ARAP2: variants seen among roughly 807,000 people sequenced by gnomAD.
ARAP2 encodes arf-GAP with Rho-GAP domain, ANK repeat and PH domain-containing protein 2.
In ARAP2, 148 loss-of-function variants were observed where a neutral mutation model predicts 194.5. The ratio of observed to expected loss-of-function variants is 0.76; its 90% CI spans 0.67 to 0.87. The LOEUF (loss-of-function observed/expected upper bound fraction) is 0.87. Among genes scored for constraint, ARAP2 ranks in the 40% least tolerant of loss-of-function variants. The pLI is 0.00. For missense variants in ARAP2, 2,128 were observed against 1,989.7 expected (o/e 1.07, Z -1.32); for synonymous variants, 695 against 683.5 (o/e 1.02, Z -0.26).
Position 36,066,940 on chromosome 4 carries a change from T to C in ARAP2, c.*967A>G, listed in dbSNP as rs1395862424. 1 of 152,158 alleles carries C rather than the reference T, an allele frequency of 6.6e-6. No individual in the cohort carries two copies. Among genetic ancestry groups the C allele is most frequent in the African/African-American group, 2.4e-5 (1 of 41,428 alleles). 9.4% of individuals were successfully genotyped at this position (152,158 alleles called of 1,614,324 possible). ...TCGGAGAAAAACATTACAACCTTAA[T>C]AATAATTTAAAAAAATCTAAAAATC... On this transcript the variant is annotated 3_prime_UTR_variant, in exon 33 of 33. Coordinates refer to ENST00000303965, the MANE Select transcript of ARAP2 (RefSeq NM_015230.4).
In ARAP2 at chr4:36,158,725, A is replaced by T; in HGVS notation, c.2752+5T>A. ...GATAATATCTAAAAAGAAGAGAAAA[A>T]ATACCTTCAAGCAGTTTTTTCTCTG... On this transcript the variant is annotated splice_donor_5th_base_variant and intron_variant, in intron 15 of 32. Transcript: ENST00000303965. 6.3e-7 allele frequency: 1 copy of T among 1,595,928 alleles called. No homozygotes were observed. The highest frequency in any genetic ancestry group is 8.5e-7 in the Non-Finnish European group (1 of 1,173,792).
rs1344725701 is a variant in ARAP2, at chr4:36,160,680, CATAAAA to C, written c.2260-45_2260-40del. Reference sequence around the variant, plus strand: ...AAAAAAACCCCATAATATATCAGTTCATAAAATATATTTGAATCTGCAGGAAACTGA... The same window carrying C: ...AAAAAAACCCCATAATATATCAGTTCTATATTTGAATCTGCAGGAAACTGA... On this transcript the variant is annotated intron_variant, in intron 12 of 32. Coordinates refer to ENST00000303965, the MANE Select transcript of ARAP2 (RefSeq NM_015230.4). 3.7e-6 allele frequency: 5 copies of C among 1,338,100 alleles called. No individual in the cohort carries two copies. In the South Asian group the frequency reaches 6.5e-5, roughly 17 times the overall value. The allele number at this position is 1,338,100 out of a possible 1,614,324, so 82.9% of individuals were successfully genotyped here.
chr4:36,040,126 T>G (rs763322894), intron 5 of ARAP2, among the ~76,000 whole-genome samples: 2 of 152,184 alleles, frequency 1.3e-5, no homozygotes, highest in Non-Finnish European at 2.9e-5. Flanking sequence ...AAATGGTCAT[T>G]TTTAGCATTT....
rs151211611 is a variant in ARAP2, at chr4:36,128,616, G to A, written c.3557C>T (p.Thr1186Met). The A allele has an allele frequency of 4.4e-5, 71 of 1,612,720 alleles. No homozygotes were observed. Among genetic ancestry groups the A allele is most frequent in the Non-Finnish European group, 5.4e-5 (64 of 1,179,440 alleles). ...RAGKHQLEDVTAVLKSFLSDI... is the reference protein window; with the variant it reads ...RAGKHQLEDVMAVLKSFLSDI... ...AGAGAGAAAACTTTTCAACACAGCC[G>A]TCACATCTTCAAGCTGATGTTTTCC... is the stretch of plus-strand genomic sequence containing the variant. The change falls in exon 21 of 33, where the codon ACG (threonine) becomes ATG (methionine). Residue 1186 changes from threonine (T) to methionine (M), a missense_variant. Thr to Met is a moderately conservative substitution (Grantham distance 81). Transcript: ENST00000303965.
At chr4:36,211,135 A>C (rs1746664281) in intron 5 of ARAP2, among the ~76,000 whole-genome samples, 1 of 152,116 alleles carries the variant, frequency 6.6e-6, no homozygotes, top group African/African-American at 2.4e-5. Context: ...ATCTATATGG[A>C]GATCTTATTT....
chr4:36,026,050 A>C (rs1423202436), intron 5 of ARAP2, among the ~76,000 whole-genome samples: 2 of 152,206 alleles, frequency 1.3e-5, no homozygotes, highest in Admixed American at 6.6e-5. Context: ...GATTCTATGG[A>C]AAGTCTTTAA....
At chr4:36,178,098 A>G (rs1578181739) in intron 8 of ARAP2, 93 bp from the exon 9 acceptor site, 7 of 1,099,410 alleles carry the variant, frequency 6.4e-6, no homozygotes, top group South Asian at 3.6e-5. Context: ...TTTGCAACAC[A>G]TAAGTGACAG....
intron 25 of ARAP2, 27 bp downstream of exon 25, chr4:36,117,034 C>T (rs376009148): frequency 4.1e-6 from 6 of 1,478,394 alleles, no homozygotes; most frequent in Non-Finnish European, 5.5e-6. Context: ...TCCAACAGTC[C>T]TCTTTACATC....
intron 18 of ARAP2, 35 bp from the exon 19 acceptor site, chr4:36,147,394 T>A: frequency 6.2e-7 from 1 of 1,605,530 alleles, no homozygotes; most frequent in Non-Finnish European, 8.5e-7. Context: ...ATTTATTTTT[T>A]AAAACACTGT....
At chr4:36,092,884 TA>T (rs1376830085) in intron 27 of ARAP2, among the ~76,000 whole-genome samples, 1 of 152,134 alleles carries the variant, frequency 6.6e-6, no homozygotes, top group Admixed American at 6.5e-5. Flanking sequence ...CACAAATTTT[TA>T]AGGCATTAAA....
chr4:36,115,389 A>C (rs1248061854), intron 25 of ARAP2, among the ~76,000 whole-genome samples: 1 of 152,016 alleles, frequency 6.6e-6, no homozygotes, highest in Non-Finnish European at 1.5e-5. Context: ...GATGCTGTTG[A>C]TATGCATGAA....
chr4:36,073,832 A>G lies in ARAP2; in HGVS notation c.4609-9T>C. 6.2e-7 allele frequency: 1 copy of G among 1,612,250 alleles called. No homozygotes were observed. Among genetic ancestry groups the G allele is most frequent in the Non-Finnish European group, 8.5e-7 (1 of 1,178,748 alleles). On this transcript the variant is annotated splice_polypyrimidine_tract_variant and intron_variant, in intron 31 of 32. Coordinates refer to ENST00000303965, the MANE Select transcript of ARAP2 (RefSeq NM_015230.4). ...CATATATCATATTCATGCTGTGGAA[A>G]CACAATTTCTTGCTGTTGGTGTGTG...
intron 13 of ARAP2, 166 bp from the exon 14 acceptor site, chr4:36,159,671 G>C (rs1398812084): frequency 1.9e-6 from 1 of 536,264 alleles, no homozygotes; most frequent in African/African-American, 2.0e-5. Flanking sequence ...GGCACAAAAG[G>C]CCTGGTTTAT....
At chr4:36,026,932 T>C (rs1480955702) in intron 5 of ARAP2, among the ~76,000 whole-genome samples, 1 of 152,238 alleles carries the variant, frequency 6.6e-6, no homozygotes, top group Non-Finnish European at 1.5e-5. Flanking sequence ...GGTCTCTAAA[T>C]GCGGCCATAG....
At chr4:36,086,169 A>T (rs913747544) in intron 28 of ARAP2, among the ~76,000 whole-genome samples, 34 of 152,102 alleles carry the variant, frequency 2.2e-4, no homozygotes, top group African/African-American at 8.2e-4. Flanking sequence ...CACAGTCCCA[A>T]CCGAGGCAGC....
intron 27 of ARAP2, among the ~76,000 whole-genome samples, chr4:36,103,462 A>G (rs1717569843): frequency 6.6e-6 from 1 of 151,218 alleles, no homozygotes; most frequent in Non-Finnish European, 1.5e-5. Flanking sequence ...ATAATATATA[A>G]TAATAATAAT....
intron 9 of ARAP2, among the ~76,000 whole-genome samples, chr4:36,172,283 G>A (rs2109829760): frequency 6.6e-6 from 1 of 152,282 alleles, no homozygotes; most frequent in Middle Eastern, 3.4e-3. Flanking sequence ...TTTACTGGCT[G>A]TTTGATCACT....
chr4:36,125,343 A>G (rs551458003), intron 21 of ARAP2, among the ~76,000 whole-genome samples: 1 of 152,088 alleles, frequency 6.6e-6, no homozygotes, highest in Non-Finnish European at 1.5e-5. Flanking sequence ...GTTAAGCCAA[A>G]AGTATTTTAA....
At chr4:36,182,523 A>ATAAATAAAT (rs1739536779) in intron 8 of ARAP2, among the ~76,000 whole-genome samples, 1 of 151,620 alleles carries the variant, frequency 6.6e-6, no homozygotes, top group South Asian at 2.1e-4. Flanking sequence ...AAATAAATAA[A>ATAAATAAAT]TAAATAAATA....
Sources: allele counts gnomAD v4.1 joint callset (sites outside exome capture counted in the v4.1 genomes callset), GRCh38; gene constraint gnomAD v4.1.1; transcripts MANE v1.5; gene names NCBI Gene and HGNC (gene_info 2026-07-23, HGNC 2026-07-21).